Variants in RCBTB1 observed in about 807,000 individuals in gnomAD.
The protein encoded by RCBTB1 is RCC1 and BTB domain containing protein 1.
Under a neutral mutation model 62.4 loss-of-function variants are expected in RCBTB1, and 46 were observed. The ratio of observed to expected loss-of-function variants is 0.74; its 90% CI spans 0.58 to 0.94. RCBTB1 has a LOEUF of 0.94. Among genes scored for constraint, RCBTB1 ranks in the 40% least tolerant of loss-of-function variants. RCBTB1 has a pLI of 0.00. For synonymous variants in RCBTB1, 222 were observed against 245.8 expected (o/e 0.90, Z 0.91); for missense variants, 565 against 654.9 (o/e 0.86, Z 1.50).
At chr13:49,564,835 G>A (rs935137650) in intron 4 of RCBTB1, among the ~76,000 whole-genome samples, 5 of 151,904 alleles carry the variant, frequency 3.3e-5, no homozygotes, top group Admixed American at 6.6e-5. Context: ...AGCATGCAGT[G>A]AGCCGAGATT....
chr13:49,568,657 G>T (rs568102286), intron 2 of RCBTB1, among the ~76,000 whole-genome samples: 2 of 148,050 alleles, frequency 1.4e-5, no homozygotes, highest in South Asian at 2.1e-4. Context: ...CCGGGGGAGG[G>T]GGGTGGCTCA....
At chr13:49,569,138 C>T (rs1353882383) in intron 2 of RCBTB1, among the ~76,000 whole-genome samples, 1 of 152,188 alleles carries the variant, frequency 6.6e-6, no homozygotes, top group Non-Finnish European at 1.5e-5. Flanking sequence ...GAACTCTTCA[C>T]CTCTCACTCA....
At chr13:49,553,053 G>A (rs748585258) in intron 6 of RCBTB1, among the ~76,000 whole-genome samples, 7 of 152,024 alleles carry the variant, frequency 4.6e-5, no homozygotes, top group Non-Finnish European at 8.8e-5. Context: ...GTGGTGGCGC[G>A]TGCCTGTAAC....
At chr13:49,567,690 T>C (rs933300030) in intron 2 of RCBTB1, among the ~76,000 whole-genome samples, 2 of 152,208 alleles carry the variant, frequency 1.3e-5, no homozygotes, top group African/African-American at 2.4e-5. Context: ...AGAGGGCGCC[T>C]GCAGCTGGAG....
In RCBTB1 at chr13:49,567,225, C is replaced by T. The variant is rs1290302950; in HGVS notation, c.55G>A (p.Ala19Thr). The change falls in exon 3 of 13, where the codon GCG (alanine) becomes ACG (threonine). Residue 19 changes from alanine to threonine, a missense_variant. Transcript: ENST00000378302. ...IFTLLSPQEI[A>T]SIRKACVFGT... is the part of the protein sequence containing the mutation. ...AAGACACACGCCTTCCGAATAGACG[C>T]GATCTCTTGAGGGGAGAGTAGAGTG... 18 of 1,614,026 alleles carry T rather than the reference C, an allele frequency of 1.1e-5. No homozygotes were observed. Among genetic ancestry groups the T allele is most frequent in the Admixed American group, 1.7e-5 (1 of 60,026 alleles).
chr13:49,565,150 G>C (rs578165849), intron 4 of RCBTB1, among the ~76,000 whole-genome samples: 33 of 152,306 alleles, frequency 2.2e-4, no homozygotes, highest in African/African-American at 7.7e-4. Context: ...GAGTGCCTGC[G>C]ATTGCAGGGG....
intron 9 of RCBTB1, chr13:49,546,102 G>C (rs1960763531): frequency 5.1e-6 from 5 of 985,242 alleles, no homozygotes; most frequent in Non-Finnish European, 6.0e-6. Context: ...TGACTAAGAT[G>C]GGCCAAGAGT....
At position 49,552,188 on chromosome 13, in the gene RCBTB1, C is replaced by G; in HGVS notation, c.701G>C (p.Cys234Ser). 6.3e-7 allele frequency: 1 copy of G among 1,579,298 alleles called. No individual in the cohort carries two copies. The highest frequency in any genetic ancestry group is 2.3e-5 in the East Asian group (1 of 43,812). ...GTGCACCACACGTACCTGGTTCACA[C>G]ACACGCTGTGCAAAGCTGCCACTCT... The part of the protein sequence containing the change: ...PVRVAALHSV[C>S]VNQIVCGYAH... The change falls in exon 7 of 13, where the codon TGT becomes TCT. Residue 234 changes from cysteine to serine, a missense_variant. Transcript: ENST00000378302.
intron 6 of RCBTB1, among the ~76,000 whole-genome samples, chr13:49,552,868 A>G (rs1961499311): frequency 6.6e-6 from 1 of 152,144 alleles, no homozygotes; most frequent in South Asian, 2.1e-4. Context: ...GGCTGGACAC[A>G]ACTGCGGTAG....
At chr13:49,548,388 CAAAAA>C (rs1289018692) in intron 9 of RCBTB1, among the ~76,000 whole-genome samples, 1 of 80,290 alleles carries the variant, frequency 1.2e-5, no homozygotes, top group African/African-American at 4.5e-5. Flanking sequence ...GACTCCGTCT[CAAAAA>C]AAAAAAAAAA....
Position 49,549,639 on chromosome 13 carries a change from C to T in RCBTB1, c.864G>A (p.Glu288=), listed in dbSNP as rs748260501. ...TGTGGGCAGAGTGACAGGCTGCAAT[C>T]TCTACCACCCTGAAAAGTTTTAAGA... ...HIMVEKERVV[E]IAACHSAHTS... The change falls in exon 9 of 13, where the codon GAG becomes GAA. Residue 288 remains glutamate (E), a synonymous_variant. Coordinates refer to ENST00000378302, the MANE Select transcript of RCBTB1 (RefSeq NM_018191.4). 1.2e-6 allele frequency: 2 copies of T among 1,604,432 alleles called. No individual in the cohort carries two copies. The highest frequency in any genetic ancestry group is 2.2e-5 in the South Asian group (2 of 90,386).
intron 4 of RCBTB1, among the ~76,000 whole-genome samples, chr13:49,561,943 A>AT (rs1962464461): frequency 6.6e-6 from 1 of 151,624 alleles, no homozygotes; most frequent in African/African-American, 2.4e-5. Context: ...AAAAAAAAAA[A>AT]AATACAAAAA....
Position 49,555,683 on chromosome 13 carries a change from A to C in RCBTB1, c.445-10T>G, listed in dbSNP as rs1282381497. 9 of 1,548,940 alleles carry C rather than the reference A, an allele frequency of 5.8e-6. No homozygotes were observed. Among genetic ancestry groups the C allele is most frequent in the Non-Finnish European group, 7.8e-6 (9 of 1,149,756 alleles). ...AACCCCAAGCAAACACCTACAAGAG[A>C]AAGAAAAAGGAAAAGGAAAGAATAG... On this transcript the variant is annotated splice_polypyrimidine_tract_variant and intron_variant, in intron 5 of 12. Coordinates refer to ENST00000378302, the MANE Select transcript of RCBTB1 (RefSeq NM_018191.4).
At chr13:49,584,459 G>A (rs1372816592) in intron 1 of RCBTB1, among the ~76,000 whole-genome samples, 1 of 152,198 alleles carries the variant, frequency 6.6e-6, no homozygotes, top group East Asian at 1.9e-4. Context: ...GACCCTGAAA[G>A]CAGTTTAAAC....
At chr13:49,566,520 C>T in intron 4 of RCBTB1, 98 bp downstream of exon 4, 1 of 1,172,964 alleles carries the variant, frequency 8.5e-7, no homozygotes, top group Admixed American at 2.5e-5. Flanking sequence ...AGCAAACAAT[C>T]CAAAATCAGT....
intron 5 of RCBTB1, among the ~76,000 whole-genome samples, chr13:49,556,279 C>T (rs1348870072): frequency 6.6e-6 from 1 of 151,358 alleles, no homozygotes; most frequent in Non-Finnish European, 1.5e-5. Flanking sequence ...TCACTGCCAG[C>T]CCCGCCTCCC....
chr13:49,555,728 C>T (rs1961804869), intron 5 of RCBTB1, 55 bp from the exon 6 acceptor site: 5 of 1,282,670 alleles, frequency 3.9e-6, no homozygotes, highest in Non-Finnish European at 4.3e-6. Context: ...AAATTCTACC[C>T]CAACACAAAT....
chr13:49,562,254 A>G (rs1354425875), intron 4 of RCBTB1, among the ~76,000 whole-genome samples: 2 of 152,184 alleles, frequency 1.3e-5, no homozygotes, highest in Non-Finnish European at 2.9e-5. Flanking sequence ...TGGGAATGTT[A>G]AAAATTTGAC....
In RCBTB1 at chr13:49,555,573, C is replaced by G. The variant is rs769191420; in HGVS notation, c.545G>C (p.Arg182Thr). 1.2e-6 allele frequency: 2 copies of G among 1,613,940 alleles called. No individual in the cohort carries two copies. Among genetic ancestry groups the G allele is most frequent in the Non-Finnish European group, 1.7e-6 (2 of 1,179,816 alleles). The stretch of plus-strand genomic sequence containing the variant: ...CTGACCACAGGCAATGCCAACTACC[C>G]TCTTAATATGTAAACAGTTTGTAAC... ...RKVTNCLHIKRVVGIACGQTS... is the reference protein window; with the variant it reads ...RKVTNCLHIKTVVGIACGQTS... The change falls in exon 6 of 13, where the codon AGG becomes ACG. Residue 182 changes from arginine (R) to threonine (T), a missense_variant. By Grantham distance (71) the Arg-to-Thr change is moderately conservative (BLOSUM62 -1). Coordinates refer to ENST00000378302, the MANE Select transcript of RCBTB1 (RefSeq NM_018191.4).
Sources: gnomAD v4.1 joint callset for allele counts (sites outside exome capture counted in the v4.1 genomes callset) on GRCh38, gnomAD v4.1.1 for gene constraint, MANE v1.5 for transcripts, NCBI Gene and HGNC (gene_info 2026-07-23, HGNC 2026-07-21) for gene names.